RIPOR1: variants seen among roughly 807,000 people sequenced by gnomAD.
RIPOR1 encodes RHO family interacting cell polarization regulator 1, also known as rho family-interacting cell polarization regulator 1.
Under a neutral mutation model 116.5 loss-of-function variants are expected in RIPOR1, and 58 were observed. The observed-to-expected ratio is 0.50, with a 90% confidence interval of 0.40 to 0.62. The LOEUF is 0.62. RIPOR1 is among the 20% of genes least tolerant of loss of function. RIPOR1 has a pLI of 0.00. For missense variants in RIPOR1, 1,372 were observed against 1,586.2 expected (o/e 0.86, Z 2.29); for synonymous variants, 605 against 650.0 (o/e 0.93, Z 1.05).
In RIPOR1 at chr16:67,538,032, G is replaced by T. The variant is rs892327486; in HGVS notation, c.-23-392G>T. 33 of 211,104 alleles carry T rather than the reference G, an allele frequency of 1.6e-4. 1 individual carries two copies. Among genetic ancestry groups the T allele is most frequent in the Middle Eastern group, 1.5e-3 (1 of 660 alleles). 13.1% of individuals were successfully genotyped at this position (211,104 alleles called of 1,614,324 possible). A position where few individuals can be genotyped will look rare whatever the true frequency, so the allele number is the denominator to read the frequency against. On this transcript the variant is annotated intron_variant, in intron 1 of 21. Coordinates refer to ENST00000042381, the MANE Select transcript of RIPOR1 (RefSeq NM_024519.4). ...GGCCCCGAGCTCCGGGTGCCCTGGG[G>T]GGGGAAATCGGGGGCAGGGCTGGGG...
intron 1 of RIPOR1, among the ~76,000 whole-genome samples, chr16:67,534,945 C>A (rs963398880): frequency 6.8e-5 from 10 of 147,976 alleles, no homozygotes; most frequent in Non-Finnish European, 1.5e-4. Flanking sequence ...CAGGTTCAAG[C>A]GATCCTCCTG....
In RIPOR1 at chr16:67,541,902, G is replaced by A. The variant is rs1260736977; in HGVS notation, c.1116G>A (p.Gly372=). Residue 372 remains glycine (G), a synonymous_variant, in exon 13 of 22, where the codon GGG becomes GGA. Coordinates refer to ENST00000042381, the MANE Select transcript of RIPOR1 (RefSeq NM_024519.4). This position sits in a 1 kb window ranked among gnomAD's most constrained non-coding sequence, Gnocchi z 4.6. ...GACGGCAGGAGGAGCTGGAGAATGG[G>A]ACAGCATGGTCCCTGTCATCTGAAT... is the stretch of plus-strand genomic sequence containing the variant. ...MLRRQEELEN[G]TAWSLSSESS... is the part of the protein sequence containing the mutation. 1 of 1,611,424 alleles carries A rather than the reference G, an allele frequency of 6.2e-7. No homozygotes were observed. Among genetic ancestry groups the A allele is most frequent in the Non-Finnish European group, 8.5e-7 (1 of 1,178,570 alleles).
In RIPOR1 at chr16:67,544,509, C is replaced by T; in HGVS notation, c.2733+78C>T. On this transcript the variant is annotated intron_variant, in intron 15 of 21. Coordinates refer to ENST00000042381, the MANE Select transcript of RIPOR1 (RefSeq NM_024519.4). This position sits in a 1 kb window ranked among gnomAD's most constrained non-coding sequence, Gnocchi z 5.1. ...AGTCCTGCCCTTCCATCCTGGTCCT[C>T]TATACCTCCTCTGAGTGCCACACCC... The T allele has an allele frequency of 1.9e-6, 3 of 1,552,542 alleles. No individual in the cohort carries two copies. Among genetic ancestry groups the T allele is most frequent in the East Asian group, 2.3e-5 (1 of 44,198 alleles).
At position 67,540,401 on chromosome 16, in the gene RIPOR1, G is replaced by A. The variant is rs749919579; in HGVS notation, c.631+38G>A. The A allele has an allele frequency of 4.3e-6, 7 of 1,614,060 alleles. No homozygotes were observed. Among genetic ancestry groups the A allele is most frequent in the Non-Finnish European group, 5.9e-6 (7 of 1,180,028 alleles). On this transcript the variant is annotated intron_variant, in intron 8 of 21. Transcript: ENST00000042381. This position sits in a 1 kb window ranked among gnomAD's most constrained non-coding sequence, Gnocchi z 4.7. Reference sequence around the variant, plus strand: ...GGGGGCAGGTGGGGGGCTGGAGGGAGTATGCTGAAGAACCCCAATATGGCT... The same window carrying A: ...GGGGGCAGGTGGGGGGCTGGAGGGAATATGCTGAAGAACCCCAATATGGCT...
chr16:67,527,444 G>C (rs937389036), upstream of RIPOR1, among the ~76,000 whole-genome samples: 2 of 151,640 alleles, frequency 1.3e-5, no homozygotes, highest in African/African-American at 4.8e-5. Flanking sequence ...CCAAGAGGAG[G>C]GGCTGGAGAG....
In RIPOR1 at chr16:67,542,855, C is replaced by T; in HGVS notation, c.2069C>T (p.Pro690Leu). ...CTAGAACTTGCTACCCTCTCCAGCC[C>T]CTCCAAACACTCAGACCCCACCCTC... is the stretch of plus-strand genomic sequence containing the variant. ...TSLELATLSS[P>L]SKHSDPTLPG... The change falls in exon 13 of 22, where the codon CCC (proline) becomes CTC (leucine). Residue 690 changes from proline (P) to leucine (L), a missense_variant. Physicochemically the swap from Pro to Leu is moderately conservative, Grantham distance 98. Transcript: ENST00000042381. This position sits in a 1 kb window ranked among gnomAD's most constrained non-coding sequence, Gnocchi z 4.6. 1.2e-6 allele frequency: 2 copies of T among 1,613,958 alleles called. No individual in the cohort carries two copies. The highest frequency in any genetic ancestry group is 2.2e-5 in the South Asian group (2 of 91,062).
At position 67,545,847 on chromosome 16, in the gene RIPOR1, C is replaced by A; in HGVS notation, c.3374C>A (p.Thr1125Asn). The change falls in exon 19 of 22, where the codon ACC becomes AAC. Residue 1125 changes from threonine to asparagine, a missense_variant. This residue lies in a region of RIPOR1 where 1,005 missense variants were observed against 1,144.7 expected (regional missense o/e 0.88). Transcript: ENST00000042381. This position sits in a 1 kb window ranked among gnomAD's most constrained non-coding sequence, Gnocchi z 4.8. ...CTCCGGAGCCTGTCACTGGGCCCTA[C>A]CTTCCGGGAGAGGGTGAGTTGGACA... ...TQLRSLSLGP[T>N]FRERALLCFL... is the part of the protein sequence containing the mutation. The A allele has an allele frequency of 6.2e-7, 1 of 1,607,064 alleles. No homozygotes were observed. Among genetic ancestry groups the A allele is most frequent in the South Asian group, 1.1e-5 (1 of 89,982 alleles).
intron 1 of RIPOR1, among the ~76,000 whole-genome samples, chr16:67,519,867 G>A (rs1170113795): frequency 6.6e-6 from 1 of 151,900 alleles, no homozygotes; most frequent in Non-Finnish European, 1.5e-5. Flanking sequence ...CTTGAGACCA[G>A]CCTGGCCAAC....
At position 67,541,827 on chromosome 16, in the gene RIPOR1, CCCTGGGGGTGGT is replaced by C; in HGVS notation, c.1081-39_1081-28del. 6.2e-7 allele frequency: 1 copy of C among 1,613,318 alleles called. No homozygotes were observed. The highest frequency in any genetic ancestry group is 8.5e-7 in the Non-Finnish European group (1 of 1,179,496). Reference sequence around the variant, plus strand: ...CAGGCCTCACCATCCCCCAGAGGCTCCCTGGGGGTGGTTCTGAAATGCCCTCTCCTCTTTCTC... The same window carrying C: ...CAGGCCTCACCATCCCCCAGAGGCTCTCTGAAATGCCCTCTCCTCTTTCTC... On this transcript the variant is annotated intron_variant, in intron 12 of 21. Transcript: ENST00000042381. The surrounding 1 kb of genome is among the most constrained non-coding windows in gnomAD (Gnocchi z 4.6).
chr16:67,530,078 G>C lies in RIPOR1; in HGVS notation c.-24+1164G>C, dbSNP rs1192155699. The C allele has an allele frequency of 3.3e-6, 2 of 607,566 alleles. No individual in the cohort carries two copies. Among genetic ancestry groups the C allele is most frequent in the African/African-American group, 3.7e-5 (2 of 54,294 alleles). The allele number at this position is 607,566 out of a possible 1,614,324, so 37.6% of individuals were successfully genotyped here. A position where few individuals can be genotyped will look rare whatever the true frequency, so the allele number is the denominator to read the frequency against. On this transcript the variant is annotated intron_variant, in intron 1 of 21. Coordinates refer to ENST00000042381, the MANE Select transcript of RIPOR1 (RefSeq NM_024519.4). The surrounding 1 kb of genome is among the most constrained non-coding windows in gnomAD (Gnocchi z 4.5). The stretch of plus-strand genomic sequence containing the variant: ...TGGGTCCTGTGACTGCGGCGGGAGA[G>C]AGGAGCAAGGTGAGCCGCCCCAGGG...
chr16:67,533,472 G>T (rs770959489), intron 1 of RIPOR1, among the ~76,000 whole-genome samples: 1 of 152,140 alleles, frequency 6.6e-6, no homozygotes, highest in Non-Finnish European at 1.5e-5. Flanking sequence ...TATGCAGCCA[G>T]AGAGGTAGAT....
At chr16:67,539,970 G>A (rs1290568000) in intron 6 of RIPOR1, 71 bp downstream of exon 6, 2 of 1,613,790 alleles carry the variant, frequency 1.2e-6, no homozygotes, top group Non-Finnish European at 1.7e-6. Context: ...GGTGGTGCCA[G>A]GCCCTGGGTG....
Position 67,538,480 on chromosome 16 carries a change from C to G in RIPOR1, c.34C>G (p.Leu12Val). The change falls in exon 2 of 22, where the codon CTG becomes GTG. Residue 12 changes from leucine to valine, a missense_variant. Coordinates refer to ENST00000042381, the MANE Select transcript of RIPOR1 (RefSeq NM_024519.4). ...CCTGTCGGTGCGGCCGCAGCGCCGT[C>G]TGCTCAGCGCCCGGGTCAATAGGAG... Reference protein sequence around the residue: ...MSLSVRPQRRLLSARVNRSQS... With the variant: ...MSLSVRPQRRVLSARVNRSQS... The G allele has an allele frequency of 6.2e-7, 1 of 1,611,178 alleles. No individual in the cohort carries two copies. Among genetic ancestry groups the G allele is most frequent in the East Asian group, 2.2e-5 (1 of 44,786 alleles).
In RIPOR1 at chr16:67,528,861, G is replaced by T; in HGVS notation, c.-77G>T. ...GCGGCAGCTGCGGCGCGACCAGGCC[G>T]GGCACCTCCGAGCGCAAGGACAGCG... On this transcript the variant is annotated 5_prime_UTR_variant, in exon 1 of 22. Coordinates refer to ENST00000042381, the MANE Select transcript of RIPOR1 (RefSeq NM_024519.4). 5.9e-6 allele frequency: 1 copy of T among 170,220 alleles called. No individual in the cohort carries two copies. The highest frequency in any genetic ancestry group is 1.1e-4 in the South Asian group (1 of 9,362). 10.5% of individuals were successfully genotyped at this position (170,220 alleles called of 1,614,324 possible). A position where few individuals can be genotyped will look rare whatever the true frequency, so the allele number is the denominator to read the frequency against.
At position 67,544,471 on chromosome 16, in the gene RIPOR1, C is replaced by T. The variant is rs761809555; in HGVS notation, c.2733+40C>T. 15 of 1,581,502 alleles carry T rather than the reference C, an allele frequency of 9.5e-6. No homozygotes were observed. Among genetic ancestry groups the T allele is most frequent in the African/African-American group, 2.7e-5 (2 of 74,540 alleles). On this transcript the variant is annotated intron_variant, in intron 15 of 21. Transcript: ENST00000042381. The surrounding 1 kb of genome is among the most constrained non-coding windows in gnomAD (Gnocchi z 5.1). ...GTTCCCCCACCCTTCCTTTGTAACC[C>T]CTAACCCCAGGGAGTCCTGCCCTTC...
intron 1 of RIPOR1, among the ~76,000 whole-genome samples, chr16:67,533,259 C>T (rs1209669480): frequency 5.9e-5 from 9 of 152,100 alleles, no homozygotes; most frequent in East Asian, 5.8e-4. Flanking sequence ...TGACAGCGCA[C>T]GCTGCATCTG....
intron 1 of RIPOR1, among the ~76,000 whole-genome samples, chr16:67,532,962 C>T (rs114800458): frequency 2.6e-4 from 40 of 152,050 alleles, no homozygotes; most frequent in Middle Eastern, 3.4e-3. Flanking sequence ...CTGTAGGGCT[C>T]GAGGGGAGAG....
rs1411656499 is a variant in RIPOR1 at position 67,540,489 on chromosome 16, C to T, written c.663C>T (p.Gly221=). The T allele has an allele frequency of 1.1e-5, 17 of 1,613,938 alleles. No homozygotes were observed. The highest frequency in any genetic ancestry group is 2.7e-5 in the African/African-American group (2 of 74,866). ...CTGGCTTCGCCAGGCTGTGTGTAGG[C>T]GATCAGTATGAGGTATGAGAATGTG... is the stretch of plus-strand genomic sequence containing the variant. ...GLAGFARLCV[G]DQYEICMKYG... Residue 221 remains glycine (G), a synonymous_variant, in exon 9 of 22, where the codon GGC becomes GGT. Transcript: ENST00000042381. The surrounding 1 kb of genome is among the most constrained non-coding windows in gnomAD (Gnocchi z 4.7).
In RIPOR1 at chr16:67,545,148, G is replaced by T; in HGVS notation, c.3031+31G>T. 6.2e-7 allele frequency: 1 copy of T among 1,604,776 alleles called. No individual in the cohort carries two copies. ...TGGGCTGCTTCCTCCTTCCACCCTTGCTCAGATTCCCAGTGACAGGAAGCT... is the reference window on the plus strand; with the variant it reads ...TGGGCTGCTTCCTCCTTCCACCCTTTCTCAGATTCCCAGTGACAGGAAGCT... On this transcript the variant is annotated intron_variant, in intron 17 of 21. Transcript: ENST00000042381. The surrounding 1 kb of genome is among the most constrained non-coding windows in gnomAD (Gnocchi z 4.8).
Sources: gnomAD v4.1 joint callset for allele counts (sites outside exome capture counted in the v4.1 genomes callset) on GRCh38, gnomAD v4.1.1 for gene constraint, gnomAD v4.1.1 regional missense constraint, Gnocchi (gnomAD v3.1) non-coding constraint, MANE v1.5 for transcripts, NCBI Gene and HGNC (gene_info 2026-07-23, HGNC 2026-07-21) for gene names.